The following PDE4A variants were observed in gnomAD, a reference collection of about 807,000 sequenced individuals.
The protein encoded by PDE4A is phosphodiesterase 4A, also known as 3',5'-cyclic-AMP phosphodiesterase 4A.
Under a neutral mutation model 73.9 loss-of-function variants are expected in PDE4A, and 21 were observed. The ratio of observed to expected loss-of-function variants is 0.28; its 90% confidence interval spans 0.20 to 0.41. The LOEUF is 0.41. PDE4A is among the 10% of genes least tolerant of loss of function. The pLI, the probability that PDE4A is intolerant of heterozygous loss-of-function variation, is 1.00. For synonymous variants in PDE4A, 463 were observed against 505.4 expected (o/e 0.92, Z 1.13); for missense variants, 958 against 1,211.4 (o/e 0.79, Z 3.10).
At chr19:10,439,805 A>G (rs1161407859) in intron 1 of PDE4A, among the ~76,000 whole-genome samples, 2 of 151,926 alleles carry the variant, frequency 1.3e-5, no homozygotes, top group Non-Finnish European at 2.9e-5. Context: ...GCAACTGGGA[A>G]ACAGGACACG....
At chr19:10,423,135 G>A in intron 1 of PDE4A, 5 of 947,816 alleles carry the variant, frequency 5.3e-6, no homozygotes, top group Non-Finnish European at 5.0e-6. Context: ...AGAAACTGGA[G>A]CCCAGAGACA....
chr19:10,446,392 A>G lies in PDE4A; in HGVS notation c.495A>G (p.Ser165=). Residue 165 remains serine, a synonymous_variant, in exon 2 of 15, where the codon TCA becomes TCG. Transcript: ENST00000380702. Reference sequence around the variant, plus strand: ...CACCCAAGACCATGTCCCGGAACTCATCGGTCACCAGCGAGGCGTGAGCAT... The same window carrying G: ...CACCCAAGACCATGTCCCGGAACTCGTCGGTCACCAGCGAGGCGTGAGCAT... ...DMSPKTMSRN[S]SVTSEAHAED... 6.2e-7 allele frequency: 1 copy of G among 1,606,982 alleles called. No homozygotes were observed. Among genetic ancestry groups the G allele is most frequent in the Non-Finnish European group, 8.5e-7 (1 of 1,174,152 alleles).
At chr19:10,457,510 A>G (rs1266882870) in intron 7 of PDE4A, among the ~76,000 whole-genome samples, 1 of 141,038 alleles carries the variant, frequency 7.1e-6, no homozygotes, top group Admixed American at 7.4e-5. Context: ...CCCCCACACC[A>G]GCACTCTTGG....
At chr19:10,428,986 T>A in intron 1 of PDE4A, 2 of 578,606 alleles carry the variant, frequency 3.5e-6, no homozygotes, top group South Asian at 1.5e-4. Context: ...ATGCCTGTAA[T>A]CCCAGCTACT....
rs2043405420 is a variant in PDE4A, at chr19:10,467,765, T to G, written c.*144T>G. The G allele has an allele frequency of 1.6e-6, 1 of 608,678 alleles. No individual in the cohort carries two copies. Among genetic ancestry groups the G allele is most frequent in the Admixed American group, 3.7e-5 (1 of 26,798 alleles). The allele number at this position is 608,678 out of a possible 1,614,324, so 37.7% of individuals were successfully genotyped here. On this transcript the variant is annotated 3_prime_UTR_variant, in exon 15 of 15. Coordinates refer to ENST00000380702, the MANE Select transcript of PDE4A (RefSeq NM_001111307.2). ...ACGAAAAGTGGGGTTTTTTTCTGTTTTCTTTTTTTCCCCTTTCCCCCTGCC... is the reference window on the plus strand; with the variant it reads ...ACGAAAAGTGGGGTTTTTTTCTGTTGTCTTTTTTTCCCCTTTCCCCCTGCC...
chr19:10,440,602 A>G, intron 1 of PDE4A, among the ~76,000 whole-genome samples: 1 of 150,964 alleles, frequency 6.6e-6, no homozygotes. Flanking sequence ...TATTTTATTT[A>G]TTTATGTATT....
chr19:10,426,484 G>T (rs1018550729), intron 1 of PDE4A, among the ~76,000 whole-genome samples: 1 of 151,994 alleles, frequency 6.6e-6, no homozygotes, highest in Admixed American at 6.6e-5. Flanking sequence ...TCGCCTTTCA[G>T]TGTGGCCCAG....
At chr19:10,420,387 C>T, upstream of PDE4A, 1 of 976,538 alleles carries the variant, frequency 1.0e-6, no homozygotes, top group South Asian at 4.7e-5. The surrounding 1 kb of genome is among the most constrained non-coding windows in gnomAD (Gnocchi z 6.0). Context: ...GGCCCCCCTC[C>T]TTAGGTAGCT....
At chr19:10,464,715 TTTTC>T (rs2144518458) in intron 14 of PDE4A, among the ~76,000 whole-genome samples, 2 of 149,192 alleles carry the variant, frequency 1.3e-5, no homozygotes, top group African/African-American at 5.0e-5. Context: ...TTGTTTTCAT[TTTTC>T]TTTTTCTTTT....
At chr19:10,416,918 C>G (rs1312114337), upstream of PDE4A, 3 of 1,538,642 alleles carry the variant, frequency 1.9e-6, no homozygotes, top group Non-Finnish European at 2.6e-6. Context: ...CCACCGCAGT[C>G]CCAACGGCGC....
chr19:10,452,423 G>GT (rs1027477848), intron 6 of PDE4A, among the ~76,000 whole-genome samples: 2 of 150,676 alleles, frequency 1.3e-5, no homozygotes, highest in Admixed American at 1.3e-4. Flanking sequence ...GGCGACAAGA[G>GT]TGAAAACTCC....
chr19:10,463,751 G>A (rs1458579134), intron 13 of PDE4A, 42 bp from the exon 14 acceptor site: 2 of 1,609,006 alleles, frequency 1.2e-6, no homozygotes, highest in African/African-American at 1.3e-5. Context: ...TGGGACACAG[G>A]CATAGCCTCT....
At chr19:10,421,279 C>G in intron 1 of PDE4A, 195 bp downstream of exon 1, 1 of 985,360 alleles carries the variant, frequency 1.0e-6, no homozygotes, top group South Asian at 4.7e-5. Context: ...CCTGCTGAAG[C>G]CCATCCTGGG....
rs529816372 is a variant in PDE4A at position 10,438,664 on chromosome 19, A to G, written c.321-7554A>G. 4.5e-4 allele frequency among the ~76,000 whole-genome samples: 68 copies of G among 151,772 alleles called. No homozygotes were observed. In the South Asian group the frequency reaches 0.014, roughly 30 times the overall value. On this transcript the variant is annotated intron_variant, in intron 1 of 14. Transcript: ENST00000380702. ...CTCTTATTGCCCAAGCTGGAATGCA[A>G]TGTCCCAATCTCGGCTCACTGCAAC...
intron 1 of PDE4A, chr19:10,431,213 A>C: frequency 1.5e-6 from 1 of 648,806 alleles, no homozygotes; most frequent in Non-Finnish European, 2.4e-6. Context: ...CAGCGATCAA[A>C]ATCATCCCTG....
chr19:10,443,422 G>C (rs112620181), intron 1 of PDE4A, among the ~76,000 whole-genome samples: 7 of 151,906 alleles, frequency 4.6e-5, no homozygotes, highest in African/African-American at 1.7e-4. Context: ...GCATGTGCCT[G>C]TAGACCCAGC....
chr19:10,458,486 T>C lies in PDE4A; in HGVS notation c.1101+384T>C, dbSNP rs2043207027. Reference sequence around the variant, plus strand: ...CAGACCGGTGTTTCACTCCTAGCTCTTCCAGGGGACAGCGGCAGTGGAAGT... The same window carrying C: ...CAGACCGGTGTTTCACTCCTAGCTCCTCCAGGGGACAGCGGCAGTGGAAGT... On this transcript the variant is annotated intron_variant, in intron 8 of 14. Coordinates refer to ENST00000380702, the MANE Select transcript of PDE4A (RefSeq NM_001111307.2). This position sits in a 1 kb window ranked among gnomAD's most constrained non-coding sequence, Gnocchi z 4.6. Among the ~76,000 whole-genome samples, 1 of 152,352 alleles carries C rather than the reference T, an allele frequency of 6.6e-6. No homozygotes were observed. Among genetic ancestry groups the C allele is most frequent in the East Asian group, 1.9e-4 (1 of 5,194 alleles).
Position 10,461,896 on chromosome 19 carries a change from C to T in PDE4A, c.1640C>T (p.Ser547Phe). 6.2e-7 allele frequency: 1 copy of T among 1,613,906 alleles called. No individual in the cohort carries two copies. ...CCGCAGGTGCTGGCCACGGACATGT[C>T]CAAGCACATGACCCTCCTGGCTGAC... ...VIDMVLATDM[S>F]KHMTLLADLK... Residue 547 changes from serine to phenylalanine, a missense_variant, in exon 13 of 15, where the codon TCC becomes TTC. Transcript: ENST00000380702.
rs1429090551 is a variant in PDE4A, at chr19:10,454,941, G to A, written c.877+19G>A. The A allele has an allele frequency of 1.2e-6, 2 of 1,613,208 alleles. No homozygotes were observed. Reference sequence around the variant, plus strand: ...TTCCTGGGTGAGTGAGGGGAAGCACGTGGGATTGGAGGGGGGACATTTGGG... The same window carrying A: ...TTCCTGGGTGAGTGAGGGGAAGCACATGGGATTGGAGGGGGGACATTTGGG... On this transcript the variant is annotated intron_variant, in intron 7 of 14. Coordinates refer to ENST00000380702, the MANE Select transcript of PDE4A (RefSeq NM_001111307.2).
Sources: allele counts gnomAD v4.1 joint callset (sites outside exome capture counted in the v4.1 genomes callset), GRCh38; gene constraint gnomAD v4.1.1; non-coding constraint Gnocchi (gnomAD v3.1); transcripts MANE v1.5; gene names NCBI Gene and HGNC (gene_info 2026-07-23, HGNC 2026-07-21).